The following PLCB1 variants were observed in gnomAD, a reference collection of about 807,000 sequenced individuals.
The protein encoded by PLCB1 is phospholipase C beta 1.
PLCB1 carries 46 observed loss-of-function variants against 161.8 expected under a neutral mutation model. The ratio of observed to expected loss-of-function variants is 0.28; its 90% CI spans 0.22 to 0.36. The LOEUF is 0.36. Among genes scored for constraint, PLCB1 ranks in the 10% least tolerant of loss-of-function variants. The pLI is 1.00. For missense variants in PLCB1, 1,016 were observed against 1,472.5 expected (o/e 0.69, Z 5.07); for synonymous variants, 517 against 503.7 (o/e 1.03, Z -0.35).
At chr20:8,681,115 T>TATATATAA (rs1555782804) in intron 9 of PLCB1, among the ~76,000 whole-genome samples, 8 of 103,900 alleles carry the variant, frequency 7.7e-5, no homozygotes, top group African/African-American at 2.4e-4. Context: ...TATATATATA[T>TATATATAA]ATATAATATA....
chr20:8,779,575 C>T (rs1600320754), intron 27 of PLCB1, among the ~76,000 whole-genome samples: 2 of 140,256 alleles, frequency 1.4e-5, no homozygotes, highest in Middle Eastern at 3.8e-3. Flanking sequence ...AATAACTCTA[C>T]AGTCTGGCTA....
chr20:8,879,297 A>G (rs1448236717), intron 31 of PLCB1, among the ~76,000 whole-genome samples: 4 of 45,762 alleles, frequency 8.7e-5, no homozygotes, highest in Non-Finnish European at 1.6e-4. Context: ...TTTTGATGTG[A>G]AAAAAAAAAA....
intron 4 of PLCB1, among the ~76,000 whole-genome samples, chr20:8,636,390 G>C (rs1001003875): frequency 6.6e-6 from 1 of 152,142 alleles, no homozygotes; most frequent in Non-Finnish European, 1.5e-5. Context: ...TATACTGGTA[G>C]GTGTCCTTTG....
At chr20:8,804,447 A>G (rs1156346702) in intron 31 of PLCB1, among the ~76,000 whole-genome samples, 1 of 152,154 alleles carries the variant, frequency 6.6e-6, no homozygotes, top group African/African-American at 2.4e-5. Context: ...ACTATAAAAG[A>G]TGACATAAAA....
chr20:8,383,399 C>A (rs1034846326), intron 3 of PLCB1, among the ~76,000 whole-genome samples: 3 of 152,110 alleles, frequency 2.0e-5, no homozygotes, highest in Non-Finnish European at 4.4e-5. Context: ...AAATTTTCCT[C>A]CATCACTTTA....
chr20:8,816,604 T>A (rs1985097023), intron 31 of PLCB1, among the ~76,000 whole-genome samples: 1 of 152,180 alleles, frequency 6.6e-6, no homozygotes, highest in Non-Finnish European at 1.5e-5. Context: ...GCAAAACAAA[T>A]TCTGTTCTTT....
At chr20:8,221,716 A>G (rs1032261062) in intron 2 of PLCB1, among the ~76,000 whole-genome samples, 4 of 152,172 alleles carry the variant, frequency 2.6e-5, no homozygotes, top group Non-Finnish European at 5.9e-5. Flanking sequence ...ACCTAAGTGC[A>G]TTAACAAAAT....
chr20:8,308,773 T>G (rs116033221), intron 2 of PLCB1, among the ~76,000 whole-genome samples: 1,760 of 152,072 alleles, frequency 0.012, 29 homozygotes, highest in African/African-American at 0.04. Flanking sequence ...GCTTAATCAG[T>G]GCTCTCTCAG....
At chr20:8,354,293 A>G (rs1054157534) in intron 2 of PLCB1, among the ~76,000 whole-genome samples, 3 of 152,196 alleles carry the variant, frequency 2.0e-5, no homozygotes, top group Non-Finnish European at 4.4e-5. Context: ...ACTCAAAGAC[A>G]CAGAAAACTA....
chr20:8,471,357 G>A lies in PLCB1; in HGVS notation c.246+99907G>A, dbSNP rs956963014. 3.9e-5 allele frequency among the ~76,000 whole-genome samples: 6 copies of A among 151,988 alleles called. No homozygotes were observed. In the South Asian group the frequency reaches 8.3e-4, roughly 21 times the overall value. The stretch of plus-strand genomic sequence containing the variant: ...TTACTTTCCCTAATCATTTCTTTTG[G>A]GACTTGTGTTCTGTGGAACACACTC... On this transcript the variant is annotated intron_variant, in intron 3 of 31. Transcript: ENST00000338037.
chr20:8,148,148 A>G (rs1371407369), intron 1 of PLCB1, among the ~76,000 whole-genome samples: 1 of 152,196 alleles, frequency 6.6e-6, no homozygotes, highest in East Asian at 1.9e-4. Flanking sequence ...AGTTTATTCT[A>G]AAGTCCTCTA....
chr20:8,602,587 C>G (rs558024677), intron 3 of PLCB1, among the ~76,000 whole-genome samples: 1 of 152,256 alleles, frequency 6.6e-6, no homozygotes, highest in South Asian at 2.1e-4. Flanking sequence ...AGAATATTAA[C>G]AGAAAAGCCT....
At chr20:8,200,599 C>T (rs1416931020) in intron 2 of PLCB1, among the ~76,000 whole-genome samples, 1 of 151,802 alleles carries the variant, frequency 6.6e-6, no homozygotes, top group African/African-American at 2.4e-5. Flanking sequence ...ATCTAGTAAC[C>T]CAGTAACCTT....
chr20:8,761,873 C>T lies in PLCB1; in HGVS notation c.2710+1413C>T, dbSNP rs530116402. On this transcript the variant is annotated intron_variant, in intron 25 of 31. Coordinates refer to ENST00000338037, the MANE Select transcript of PLCB1 (RefSeq NM_015192.4). ...CCTCCCAAAGTTTTGGGATTACAGG[C>T]GTGAGCCACTGTGCCCCTCCCAACA... 4.0e-5 allele frequency among the ~76,000 whole-genome samples: 6 copies of T among 150,552 alleles called. No homozygotes were observed. In the South Asian group the frequency reaches 1.1e-3, roughly 27 times the overall value.
At chr20:8,215,447 G>A (rs1979069308) in intron 2 of PLCB1, among the ~76,000 whole-genome samples, 1 of 152,050 alleles carries the variant, frequency 6.6e-6, no homozygotes, top group African/African-American at 2.4e-5. Context: ...CCAGAGGACA[G>A]CTTTGAATTG....
intron 27 of PLCB1, among the ~76,000 whole-genome samples, chr20:8,784,949 A>G (rs1418389522): frequency 6.6e-6 from 1 of 152,188 alleles, no homozygotes; most frequent in Non-Finnish European, 1.5e-5. Context: ...TTCATTCACA[A>G]TCATTTTTTT....
At chr20:8,248,737 T>C (rs1981002444) in intron 2 of PLCB1, 1 of 151,958 alleles carries the variant, frequency 6.6e-6, no homozygotes, top group Admixed American at 6.6e-5. Flanking sequence ...AAAGATCTGC[T>C]TCAACCTTCC....
chr20:8,589,995 C>A (rs999671388), intron 3 of PLCB1, among the ~76,000 whole-genome samples: 1 of 152,084 alleles, frequency 6.6e-6, no homozygotes, highest in African/African-American at 2.4e-5. Flanking sequence ...CTCCCCAAGG[C>A]CCCTCCTCCT....
chr20:8,577,925 G>A (rs551959367), intron 3 of PLCB1, among the ~76,000 whole-genome samples: 9 of 152,262 alleles, frequency 5.9e-5, no homozygotes, highest in East Asian at 1.9e-4. Flanking sequence ...GGGTCTGTGC[G>A]TGTGAGCTGT....
Sources: gnomAD v4.1 joint callset for allele counts (sites outside exome capture counted in the v4.1 genomes callset) on GRCh38, gnomAD v4.1.1 for gene constraint, MANE v1.5 for transcripts, NCBI Gene and HGNC (gene_info 2026-07-23, HGNC 2026-07-21) for gene names.